ENOX2: variants seen among roughly 807,000 people sequenced by gnomAD.
The protein encoded by ENOX2 is ecto-NOX disulfide-thiol exchanger 2.
In ENOX2, 36 loss-of-function variants were observed where a neutral mutation model predicts 45.0. That is an observed-to-expected ratio of 0.80 (90% CI 0.61 to 1.06). The LOEUF is 1.06. ENOX2 is among the 50% of genes least tolerant of loss of function. ENOX2 has a pLI of 0.00. For synonymous variants in ENOX2, 174 were observed against 152.3 expected (o/e 1.14, Z -1.05); for missense variants, 423 against 462.5 (o/e 0.91, Z 0.78).
At chrX:130,649,877 G>C (rs1438645803) in intron 10 of ENOX2, among the ~76,000 whole-genome samples, 1 of 111,690 alleles carries the variant, frequency 9.0e-6, no homozygotes, top group East Asian at 2.8e-4. Flanking sequence ...ATAGAAAAAG[G>C]CATATTAACT....
Position 130,883,223 on chromosome X carries a change from G to A in ENOX2, c.-183+18461C>T, listed in dbSNP as rs7055215. ...CCTCCCGAGTTCAAGCGATTCTCCT[G>A]CTGCAGGCTCCCACGTAGCTGAGAT... On this transcript the variant is annotated intron_variant, in intron 2 of 14. Transcript: ENST00000394363. 9.3e-3 allele frequency among the ~76,000 whole-genome samples: 1,032 copies of A among 111,253 alleles called. 12 individuals are homozygous for A. Among genetic ancestry groups the A allele is most frequent in the African/African-American group, 0.032 (963 of 30,523 alleles).
At chrX:130,768,497 C>T (rs1276586220) in intron 3 of ENOX2, among the ~76,000 whole-genome samples, 1 of 112,014 alleles carries the variant, frequency 8.9e-6, no homozygotes, top group Non-Finnish European at 1.9e-5. Flanking sequence ...CCACCCCAGC[C>T]TGCTGTCCAC....
At chrX:130,837,658 C>G (rs1016200642) in intron 2 of ENOX2, among the ~76,000 whole-genome samples, 4 of 111,462 alleles carry the variant, frequency 3.6e-5, no homozygotes, top group Admixed American at 9.5e-5. Context: ...CTATGGCTAC[C>G]TGGGTTCATA....
At chrX:130,660,569 G>A (rs1458633615) in intron 9 of ENOX2, among the ~76,000 whole-genome samples, 3 of 112,087 alleles carry the variant, frequency 2.7e-5, no homozygotes, top group Non-Finnish European at 5.6e-5. Flanking sequence ...CCACTGAAGA[G>A]CAGACAGCAA....
In ENOX2 at chrX:130,774,570, T is replaced by C. The variant is rs561665885; in HGVS notation, c.-39+8977A>G. Among the ~76,000 whole-genome samples, 65 of 112,221 alleles carry C rather than the reference T, an allele frequency of 5.8e-4. 1 individual carries two copies. The highest frequency in any genetic ancestry group is 2.0e-3 in the African/African-American group (63 of 30,926). On this transcript the variant is annotated intron_variant, in intron 3 of 14. Transcript: ENST00000394363. ...TAGGTGTTCCATAGGTATTAGCTAT[T>C]AGTAGTAGTAGTAAAACGGTATTTT... is the stretch of plus-strand genomic sequence containing the variant.
At chrX:130,816,060 G>A (rs996382128) in intron 2 of ENOX2, among the ~76,000 whole-genome samples, 10 of 111,483 alleles carry the variant, frequency 9.0e-5, no homozygotes, top group African/African-American at 2.6e-4. Flanking sequence ...TATTTACCAA[G>A]CAAATGGAAA....
At chrX:130,733,202 A>G (rs1457623816) in intron 3 of ENOX2, among the ~76,000 whole-genome samples, 1 of 112,338 alleles carries the variant, frequency 8.9e-6, no homozygotes, top group Non-Finnish European at 1.9e-5. Context: ...TAATTTTAAA[A>G]ACAAGTTAAG....
Position 130,781,245 on chromosome X carries a change from T to C in ENOX2, c.-39+2302A>G, listed in dbSNP as rs972046879. ...ACCTGGGTTGGAGTTACCTTTGTCC[T>C]ACTAACAAAGAAAAGGTTCTCTAAG... is the stretch of plus-strand genomic sequence containing the variant. On this transcript the variant is annotated intron_variant, in intron 3 of 14. Transcript: ENST00000394363. 6.2e-5 allele frequency among the ~76,000 whole-genome samples: 7 copies of C among 112,023 alleles called. No homozygotes were observed. In the Admixed American group the frequency reaches 6.6e-4, roughly 11 times the overall value.
At chrX:130,820,507 CA>C (rs2077576398) in intron 2 of ENOX2, among the ~76,000 whole-genome samples, 1 of 112,438 alleles carries the variant, frequency 8.9e-6, no homozygotes, top group South Asian at 3.7e-4. Flanking sequence ...CAGGTATCTA[CA>C]CTTCCATGTT....
intron 12 of ENOX2, among the ~76,000 whole-genome samples, chrX:130,633,156 C>A (rs900073215): frequency 8.9e-6 from 1 of 111,933 alleles, no homozygotes; most frequent in African/African-American, 3.2e-5. Context: ...TTAGTTCTTT[C>A]CGCACTAAGA....
At chrX:130,816,346 T>C (rs1293773124) in intron 2 of ENOX2, among the ~76,000 whole-genome samples, 2 of 111,107 alleles carry the variant, frequency 1.8e-5, no homozygotes, top group African/African-American at 6.6e-5. Flanking sequence ...ACTGTCAATA[T>C]TAGAGAGATC....
chrX:130,716,117 G>C (rs1281277980), intron 3 of ENOX2, among the ~76,000 whole-genome samples: 1 of 111,313 alleles, frequency 9.0e-6, no homozygotes, highest in Non-Finnish European at 1.9e-5. Flanking sequence ...AGTAATTATG[G>C]TTTTGTGATT....
intron 2 of ENOX2, among the ~76,000 whole-genome samples, chrX:130,854,980 T>G (rs1196194598): frequency 8.9e-6 from 1 of 111,897 alleles, no homozygotes; most frequent in Admixed American, 9.5e-5. Flanking sequence ...GACTGAATAC[T>G]CTTTCCTATT....
At position 130,827,638 on chromosome X, in the gene ENOX2, G is replaced by A. The variant is rs181996751; in HGVS notation, c.-182-43948C>T. Reference sequence around the variant, plus strand: ...ATATAGTAGAACTTAATAAATATCTGTTGACTATATTAATGAATAAATAAA... The same window carrying A: ...ATATAGTAGAACTTAATAAATATCTATTGACTATATTAATGAATAAATAAA... On this transcript the variant is annotated intron_variant, in intron 2 of 14. Transcript: ENST00000394363. 7.4e-4 allele frequency among the ~76,000 whole-genome samples: 82 copies of A among 111,526 alleles called. 2 individuals are homozygous for A. The highest frequency in any genetic ancestry group is 2.5e-3 in the African/African-American group (78 of 30,812).
At chrX:130,686,961 G>A (rs971648316) in intron 5 of ENOX2, among the ~76,000 whole-genome samples, 4 of 111,665 alleles carry the variant, frequency 3.6e-5, no homozygotes, top group African/African-American at 1.3e-4. Context: ...ACTAAAAGAC[G>A]GAGCCATGGG....
At chrX:130,638,848 G>A (rs900056831) in intron 10 of ENOX2, among the ~76,000 whole-genome samples, 1 of 111,382 alleles carries the variant, frequency 9.0e-6, no homozygotes, top group Non-Finnish European at 1.9e-5. Context: ...TTAGCTGGGC[G>A]TGGTGTTGTG....
At chrX:130,699,776 A>G (rs2037851327) in intron 4 of ENOX2, among the ~76,000 whole-genome samples, 1 of 112,021 alleles carries the variant, frequency 8.9e-6, no homozygotes, top group Non-Finnish European at 1.9e-5. Flanking sequence ...ACTGTCAGAC[A>G]TATACTGTTC....
chrX:130,670,020 GGGTGGAGAT>G lies in ENOX2; in HGVS notation c.630_638del (p.Ser211_Pro213del), dbSNP rs755212155. 4.1e-6 allele frequency: 5 copies of G among 1,210,786 alleles called. No homozygotes were observed. Among genetic ancestry groups the G allele is most frequent in the Non-Finnish European group, 5.6e-6 (5 of 894,564 alleles). On this transcript the variant is annotated inframe_deletion, in exon 7 of 15. Coordinates refer to ENST00000394363, the MANE Select transcript of ENOX2 (RefSeq NM_006375.4). The stretch of plus-strand genomic sequence containing the variant: ...CATGATCTGAATAGTGGACCACTGG[GGGTGGAGAT>G]GGTGGACGCAATCTTTCTTCTTCCA...
chrX:130,883,498 T>C (rs1006719412), intron 2 of ENOX2, among the ~76,000 whole-genome samples: 2 of 111,978 alleles, frequency 1.8e-5, no homozygotes, highest in African/African-American at 6.5e-5. Flanking sequence ...TCAATCAGTA[T>C]AGTTTAGCAG....
Sources: allele counts gnomAD v4.1 joint callset (sites outside exome capture counted in the v4.1 genomes callset), GRCh38; gene constraint gnomAD v4.1.1; transcripts MANE v1.5; gene names NCBI Gene and HGNC (gene_info 2026-07-23, HGNC 2026-07-21).